The following EMCN variants were observed in gnomAD, a reference collection of about 807,000 sequenced individuals.
EMCN encodes the protein endomucin.
Under a neutral mutation model 38.4 loss-of-function variants are expected in EMCN, and 37 were observed. That is an observed-to-expected ratio of 0.96 (90% CI 0.74 to 1.27). The LOEUF (loss-of-function observed/expected upper bound fraction) is 1.27, where lower values mean the gene tolerates loss of function less well. Ranked by LOEUF, EMCN falls within the 50% of genes most tolerant of loss-of-function variation. The probability of loss-of-function intolerance (pLI) is 0.00; values close to 1 mark genes in which losing one functional copy is unlikely to be tolerated. For missense variants in EMCN, 318 were observed against 302.8 expected (o/e 1.05, Z -0.37); for synonymous variants, 95 against 100.8 (o/e 0.94, Z 0.35).
intron 4 of EMCN, among the ~76,000 whole-genome samples, chr4:100,448,945 C>G (rs1189074589): frequency 6.6e-6 from 1 of 151,832 alleles, no homozygotes; most frequent in Non-Finnish European, 1.5e-5. Flanking sequence ...TTTCCACAGA[C>G]CTTTTCACAT....
chr4:100,475,666 T>A (rs1305046320), intron 2 of EMCN, among the ~76,000 whole-genome samples: 124 of 11,052 alleles, frequency 0.011, 9 homozygotes, highest in South Asian at 0.027. Flanking sequence ...GTCCTTTTTT[T>A]TTTTTTTTTT....
rs111370321 is a variant in EMCN at position 100,417,973 on chromosome 4, G to T, written c.665-832C>A. 3.6e-4 allele frequency among the ~76,000 whole-genome samples: 55 copies of T among 152,186 alleles called. 1 individual carries two copies. Among genetic ancestry groups the T allele is most frequent in the African/African-American group, 1.3e-3 (52 of 41,532 alleles). On this transcript the variant is annotated intron_variant, in intron 8 of 11. Coordinates refer to ENST00000296420, the MANE Select transcript of EMCN (RefSeq NM_016242.4). ...TAATCTAAATCTTGTCATTGAGTAT[G>T]CCCTTTGAATATAATTCTCCTGGCT... is the stretch of plus-strand genomic sequence containing the variant.
intron 5 of EMCN, among the ~76,000 whole-genome samples, chr4:100,437,734 G>A (rs1727396746): frequency 1.3e-5 from 2 of 152,084 alleles, no homozygotes; most frequent in South Asian, 2.1e-4. Flanking sequence ...ATTTATTTCC[G>A]GGATCTTTAT....
intron 5 of EMCN, among the ~76,000 whole-genome samples, chr4:100,434,670 A>G (rs1298755541): frequency 6.6e-6 from 1 of 152,196 alleles, no homozygotes; most frequent in African/African-American, 2.4e-5. Flanking sequence ...CAAAAAGCTT[A>G]TCCACCATGA....
rs1427648490 is a variant in EMCN, at chr4:100,502,970, T to TA, written c.64+14880dup. On this transcript the variant is annotated intron_variant, in intron 1 of 11. Coordinates refer to ENST00000296420, the MANE Select transcript of EMCN (RefSeq NM_016242.4). The stretch of plus-strand genomic sequence containing the variant: ...TCATTTTAAACATTTTGCTGGCTTT[T>TA]AAAAAATCTTTTTTCATAATGGGAT... Among the ~76,000 whole-genome samples the TA allele has an allele frequency of 9.9e-5, 15 of 152,256 alleles. No individual in the cohort carries two copies. The South Asian group carries it at 2.3e-3, about 23-fold the overall frequency.
intron 1 of EMCN, among the ~76,000 whole-genome samples, chr4:100,501,587 AG>A (rs1729351090): frequency 6.6e-6 from 1 of 152,124 alleles, no homozygotes; most frequent in Non-Finnish European, 1.5e-5. Context: ...AATTATAAAA[AG>A]CTTCTTGTAT....
At chr4:100,433,414 C>T (rs1477815520) in intron 5 of EMCN, among the ~76,000 whole-genome samples, 1 of 152,162 alleles carries the variant, frequency 6.6e-6, no homozygotes, top group Non-Finnish European at 1.5e-5. Flanking sequence ...TGGGAGTCCA[C>T]ATATCCTTAT....
Position 100,502,706 on chromosome 4 carries a change from G to A in EMCN, c.64+15145C>T, listed in dbSNP as rs143251565. 6.6e-5 allele frequency among the ~76,000 whole-genome samples: 10 copies of A among 152,250 alleles called. No individual in the cohort carries two copies. In the East Asian group the frequency reaches 1.5e-3, roughly 23 times the overall value. On this transcript the variant is annotated intron_variant, in intron 1 of 11. Coordinates refer to ENST00000296420, the MANE Select transcript of EMCN (RefSeq NM_016242.4). ...CTAACATTTTACTATTATTCACGAT[G>A]ATTGCTACAGTTTTTGAAGCTGCTC...
At chr4:100,422,364 G>T (rs533164756) in intron 7 of EMCN, among the ~76,000 whole-genome samples, 1 of 152,046 alleles carries the variant, frequency 6.6e-6, no homozygotes, top group South Asian at 2.1e-4. Context: ...TTAATGGAAT[G>T]GGTTTAACTA....
At chr4:100,444,377 C>T (rs1351984686) in intron 5 of EMCN, among the ~76,000 whole-genome samples, 4 of 152,148 alleles carry the variant, frequency 2.6e-5, no homozygotes, top group African/African-American at 9.7e-5. Flanking sequence ...CTCTGAGCCC[C>T]TGTGGGTAGC....
At chr4:100,458,126 G>A (rs1728070655) in intron 4 of EMCN, among the ~76,000 whole-genome samples, 1 of 151,834 alleles carries the variant, frequency 6.6e-6, no homozygotes, top group Non-Finnish European at 1.5e-5. Flanking sequence ...AAAAAAAAAA[G>A]TGTTTCCTTC....
At position 100,421,365 on chromosome 4, in the gene EMCN, G is replaced by A. The variant is rs776560730; in HGVS notation, c.581C>T (p.Pro194Leu). 1.4e-5 allele frequency: 22 copies of A among 1,611,820 alleles called. No homozygotes were observed. The highest frequency in any genetic ancestry group is 5.0e-5 in the Admixed American group (3 of 59,806). Reference sequence around the variant, plus strand: ...TATTACAATCAAAGCAATAACCACCGGCAAAATAATACCTAAAAAGAATTG... The same window carrying A: ...TATTACAATCAAAGCAATAACCACCAGCAAAATAATACCTAAAAAGAATTG... ...TSRSYSSIIL[P>L]VVIALIVITL... The change falls in exon 8 of 12, where the codon CCG (proline) becomes CTG (leucine). Residue 194 changes from proline to leucine, a missense_variant. Transcript: ENST00000296420.
At chr4:100,457,208 G>A (rs931475469) in intron 4 of EMCN, among the ~76,000 whole-genome samples, 5 of 100,906 alleles carry the variant, frequency 5.0e-5, no homozygotes. Context: ...GTGTGTGTGT[G>A]TGTGTGTGCG....
Position 100,503,288 on chromosome 4 carries a change from A to G in EMCN, c.64+14563T>C, listed in dbSNP as rs1007978908. ...CTGCTTGTGTCAGTTTTGATAGGCTATAGTTTTTAGAAATTTATTTACTTT... is the reference window on the plus strand; with the variant it reads ...CTGCTTGTGTCAGTTTTGATAGGCTGTAGTTTTTAGAAATTTATTTACTTT... On this transcript the variant is annotated intron_variant, in intron 1 of 11. Coordinates refer to ENST00000296420, the MANE Select transcript of EMCN (RefSeq NM_016242.4). Among the ~76,000 whole-genome samples the G allele has an allele frequency of 2.0e-5, 3 of 152,258 alleles. No individual in the cohort carries two copies. The East Asian group carries it at 5.8e-4, about 29-fold the overall frequency.
At chr4:100,422,883 T>C (rs1726932156) in intron 7 of EMCN, 138 bp downstream of exon 7, 1 of 672,866 alleles carries the variant, frequency 1.5e-6, no homozygotes. Context: ...AGGCAGCAGT[T>C]AGATGGGATT....
At chr4:100,473,244 C>A (rs1272060677) in intron 3 of EMCN, among the ~76,000 whole-genome samples, 1 of 150,258 alleles carries the variant, frequency 6.7e-6, no homozygotes, top group East Asian at 2.0e-4. Context: ...TTAGGCTGGT[C>A]TTGAACTCCT....
chr4:100,493,844 CA>C (rs1296175958), intron 1 of EMCN, among the ~76,000 whole-genome samples: 2 of 152,190 alleles, frequency 1.3e-5, no homozygotes, highest in Non-Finnish European at 2.9e-5. Context: ...TATAGCATCA[CA>C]GGACAAATCC....
At chr4:100,485,530 A>T (rs1162907930) in intron 1 of EMCN, among the ~76,000 whole-genome samples, 1 of 151,860 alleles carries the variant, frequency 6.6e-6, no homozygotes, top group Non-Finnish European at 1.5e-5. Context: ...TATGGCAGCA[A>T]ATGACCATTA....
intron 4 of EMCN, among the ~76,000 whole-genome samples, chr4:100,457,215 T>C (rs200117614): frequency 2.8e-5 from 2 of 70,428 alleles, no homozygotes; most frequent in Non-Finnish European, 5.3e-5. Flanking sequence ...TGTGTGTGTG[T>C]GCGATCATTA....
Sources: allele counts gnomAD v4.1 joint callset (sites outside exome capture counted in the v4.1 genomes callset), GRCh38; gene constraint gnomAD v4.1.1; transcripts MANE v1.5; gene names NCBI Gene and HGNC (gene_info 2026-07-23, HGNC 2026-07-21).